The following STAU2 variants were observed in gnomAD, a reference collection of about 807,000 sequenced individuals.
STAU2 encodes the protein double-stranded RNA-binding protein Staufen homolog 2.
Under a neutral mutation model 65.9 loss-of-function variants are expected in STAU2, and 20 were observed. The ratio of observed to expected loss-of-function variants is 0.30; its 90% CI spans 0.21 to 0.44. STAU2 has a LOEUF of 0.44. Ranked by LOEUF, STAU2 falls within the 20% of genes least tolerant of loss-of-function variation. The pLI, the probability that STAU2 is intolerant of heterozygous loss-of-function variation, is 1.00. For missense variants in STAU2, 558 were observed against 683.9 expected (o/e 0.82, Z 2.05); for synonymous variants, 232 against 233.9 (o/e 0.99, Z 0.07).
intron 13 of STAU2, among the ~76,000 whole-genome samples, chr8:73,489,929 A>G (rs1563622448): frequency 1.3e-5 from 2 of 152,176 alleles, no homozygotes; most frequent in Non-Finnish European, 2.9e-5. Context: ...GAGATTCATT[A>G]TGAAAGAGAG....
At chr8:73,488,196 T>A (rs1421384769) in intron 13 of STAU2, among the ~76,000 whole-genome samples, 1 of 152,108 alleles carries the variant, frequency 6.6e-6, no homozygotes, top group Non-Finnish European at 1.5e-5. Flanking sequence ...CCTTAACTTG[T>A]AAACATAATT....
intron 13 of STAU2, among the ~76,000 whole-genome samples, chr8:73,455,795 C>G (rs1301418748): frequency 2.0e-5 from 3 of 152,076 alleles, no homozygotes; most frequent in African/African-American, 7.3e-5. Flanking sequence ...ATATGTGAGA[C>G]TACAACGTGT....
chr8:73,542,591 A>G (rs188740230), intron 13 of STAU2, among the ~76,000 whole-genome samples: 3 of 152,292 alleles, frequency 2.0e-5, no homozygotes, highest in Admixed American at 2.0e-4. Context: ...CAAATGACTT[A>G]TGGCCAGGAT....
chr8:73,473,898 G>T (rs1263135767), intron 13 of STAU2, among the ~76,000 whole-genome samples: 1 of 152,178 alleles, frequency 6.6e-6, no homozygotes, highest in Non-Finnish European at 1.5e-5. Context: ...GGAGATGGAA[G>T]AAGGTTGGAA....
At chr8:73,671,774 G>A (rs560336904) in intron 6 of STAU2, among the ~76,000 whole-genome samples, 9 of 152,316 alleles carry the variant, frequency 5.9e-5, no homozygotes, top group Non-Finnish European at 1.3e-4. Flanking sequence ...TGTAATCCCA[G>A]CACTTTGGGA....
intron 1 of STAU2, among the ~76,000 whole-genome samples, chr8:73,745,465 C>T (rs915740522): frequency 6.6e-6 from 1 of 152,242 alleles, no homozygotes; most frequent in East Asian, 1.9e-4. Context: ...AGGTTACTAT[C>T]ACCCTGCCTG....
At chr8:73,429,493 T>C (rs1050483840) in intron 13 of STAU2, among the ~76,000 whole-genome samples, 2 of 137,770 alleles carry the variant, frequency 1.5e-5, no homozygotes, top group African/African-American at 5.3e-5. Flanking sequence ...AGTGCAGTGG[T>C]GTGATCATGG....
chr8:73,432,567 A>G (rs1817382666), intron 13 of STAU2, among the ~76,000 whole-genome samples: 1 of 152,214 alleles, frequency 6.6e-6, no homozygotes, highest in African/African-American at 2.4e-5. Flanking sequence ...AACCAAAAAG[A>G]CATTTGTATA....
intron 4 of STAU2, among the ~76,000 whole-genome samples, chr8:73,708,179 A>T (rs1271356311): frequency 6.6e-6 from 1 of 152,218 alleles, no homozygotes; most frequent in East Asian, 1.9e-4. Context: ...CAAAATTGAC[A>T]AATTGTAGTT....
chr8:73,547,594 C>T (rs1241921619), intron 13 of STAU2, among the ~76,000 whole-genome samples: 1 of 152,118 alleles, frequency 6.6e-6, no homozygotes, highest in Non-Finnish European at 1.5e-5. Context: ...CTAACACATA[C>T]TTAAGTCTTT....
chr8:73,608,963 A>C (rs1286669708), intron 9 of STAU2, among the ~76,000 whole-genome samples: 5 of 152,026 alleles, frequency 3.3e-5, no homozygotes, highest in Admixed American at 3.3e-4. Flanking sequence ...GGGCAACAAG[A>C]GCAAAACTCC....
At chr8:73,551,481 A>C in intron 13 of STAU2, 1 of 984,836 alleles carries the variant, frequency 1.0e-6, no homozygotes, top group Non-Finnish European at 1.2e-6. Context: ...TATTCTTCAA[A>C]TATCATGTTT....
chr8:73,576,173 C>G (rs1563434031), intron 12 of STAU2, among the ~76,000 whole-genome samples: 1 of 151,938 alleles, frequency 6.6e-6, no homozygotes, highest in Admixed American at 6.6e-5. Flanking sequence ...CATGTGCACC[C>G]ATAGAAATGT....
intron 12 of STAU2, among the ~76,000 whole-genome samples, chr8:73,570,610 A>T (rs944641756): frequency 1.3e-5 from 2 of 152,362 alleles, no homozygotes; most frequent in Middle Eastern, 3.4e-3. Flanking sequence ...CGCCACAAAG[A>T]TGCTCCTCAA....
At chr8:73,718,349 A>G (rs548757139) in intron 3 of STAU2, among the ~76,000 whole-genome samples, 2 of 152,330 alleles carry the variant, frequency 1.3e-5, no homozygotes, top group Admixed American at 6.5e-5. Flanking sequence ...ATGGCACTTA[A>G]ACATTACACT....
At chr8:73,743,684 G>A (rs758904024) in intron 1 of STAU2, among the ~76,000 whole-genome samples, 2 of 151,402 alleles carry the variant, frequency 1.3e-5, no homozygotes, top group Non-Finnish European at 2.9e-5. Flanking sequence ...TGTTCGTCAG[G>A]CTGGTCTCGA....
intron 4 of STAU2, among the ~76,000 whole-genome samples, chr8:73,706,212 G>A (rs540563422): frequency 2.6e-5 from 4 of 152,164 alleles, no homozygotes; most frequent in African/African-American, 9.6e-5. Context: ...TACCTCCCAG[G>A]TTCAAGCAAT....
At chr8:73,557,595 G>A (rs78534205) in intron 12 of STAU2, among the ~76,000 whole-genome samples, 5,379 of 152,180 alleles carry the variant, frequency 0.035, 266 homozygotes, top group Admixed American at 0.13. Flanking sequence ...CCCACAACAC[G>A]TTTCAGTTAC....
intron 12 of STAU2, among the ~76,000 whole-genome samples, chr8:73,577,289 G>A (rs776532861): frequency 2.0e-5 from 3 of 151,946 alleles, no homozygotes; most frequent in South Asian, 2.1e-4. Flanking sequence ...TTAGCCGGGC[G>A]TGGTGGCAGG....
Sources: allele counts gnomAD v4.1 joint callset (sites outside exome capture counted in the v4.1 genomes callset), GRCh38; gene constraint gnomAD v4.1.1; transcripts MANE v1.5; gene names NCBI Gene and HGNC (gene_info 2026-07-23, HGNC 2026-07-21).